Variants in TPTE2 observed in about 807,000 individuals in gnomAD.
The protein encoded by TPTE2 is transmembrane phosphoinositide 3-phosphatase and tensin homolog 2.
A neutral mutation model predicts 78.6 loss-of-function variants in TPTE2; 53 were observed. The observed-to-expected ratio is 0.67, with a 90% confidence interval of 0.54 to 0.85. The LOEUF is 0.85. TPTE2 is among the 40% of genes least tolerant of loss of function. The probability of loss-of-function intolerance (pLI) is 0.00; values close to 1 mark genes in which losing one functional copy is unlikely to be tolerated. For missense variants in TPTE2, 461 were observed against 623.0 expected, an observed-to-expected ratio of 0.74 and a Z score of 2.77; for synonymous variants, 175 against 206.2, an observed-to-expected ratio of 0.85 and a Z score of 1.30.
upstream of TPTE2, among the ~76,000 whole-genome samples, chr13:19,540,757 T>A (rs1871417023): frequency 6.6e-6 from 1 of 152,222 alleles, no homozygotes; most frequent in Non-Finnish European, 1.5e-5. Flanking sequence ...TATTTTTACA[T>A]GTTTGTTGCT....
chr13:19,457,012 G>A (rs1040871409), intron 10 of TPTE2, among the ~76,000 whole-genome samples: 1 of 152,098 alleles, frequency 6.6e-6, no homozygotes, highest in African/African-American at 2.4e-5. Context: ...CCCAGAAACA[G>A]ACCTATACGT....
upstream of TPTE2, among the ~76,000 whole-genome samples, chr13:19,506,217 G>T (rs536826710): frequency 1.3e-4 from 13 of 102,622 alleles, no homozygotes; most frequent in South Asian, 4.9e-3. Flanking sequence ...TGTCGCCCAG[G>T]CTGGAGTGCA....
rs35171174 is a variant in TPTE2 at position 19,442,339 on chromosome 13, CA to C, written c.974-4187del. Among the ~76,000 whole-genome samples, 271 of 140,856 alleles carry C rather than the reference CA, an allele frequency of 1.9e-3. 2 individuals are homozygous for C. The highest frequency in any genetic ancestry group is 0.019 in the Middle Eastern group (5 of 270). 92.4% of individuals were successfully genotyped at this position (140,856 alleles called of 152,430 possible). On this transcript the variant is annotated intron_variant, in intron 13 of 19. Transcript: ENST00000400230. ...GCACACTTCTACATAACTCATGGGT[CA>C]AAAAAAAAAGCACAAAGTTGGAACA...
the TPTE2 span, among the ~76,000 whole-genome samples, chr13:19,542,650 G>A: frequency 2.0e-5 from 3 of 152,134 alleles, no homozygotes; most frequent in South Asian, 2.1e-4. Context: ...GGGGGTAATG[G>A]GGGTTCATCT....
chr13:19,457,703 T>C (rs1376158209), intron 10 of TPTE2, among the ~76,000 whole-genome samples: 6 of 152,246 alleles, frequency 3.9e-5, no homozygotes, highest in African/African-American at 1.4e-4. Flanking sequence ...GATGTAATCT[T>C]GTTCCTTTTT....
chr13:19,486,142 A>G lies in TPTE2; in HGVS notation c.120-3595T>C, dbSNP rs1310102617. On this transcript the variant is annotated intron_variant, in intron 3 of 19. Coordinates refer to ENST00000400230, the Ensembl canonical transcript of TPTE2. This position sits in a 1 kb window ranked among gnomAD's most constrained non-coding sequence, Gnocchi z 4.3. ...TCTGGTGAAAAAGTCACCTTTTCCA[A>G]TTTTATGGAGTAGGTTTACTTGTAT... Among the ~76,000 whole-genome samples the G allele has an allele frequency of 6.6e-6, 1 of 151,762 alleles. No individual in the cohort carries two copies. Among genetic ancestry groups the G allele is most frequent in the African/African-American group, 2.4e-5 (1 of 41,316 alleles).
At chr13:19,558,283 C>T in the TPTE2 span, among the ~76,000 whole-genome samples, 201 of 152,224 alleles carry the variant, frequency 1.3e-3, 5 homozygotes, top group East Asian at 0.033. Flanking sequence ...TACCCTAATG[C>T]CCCCAGAATG....
intron 13 of TPTE2, among the ~76,000 whole-genome samples, chr13:19,442,604 C>A (rs1446527657): frequency 2.7e-5 from 4 of 150,342 alleles, no homozygotes; most frequent in Non-Finnish European, 4.4e-5. Flanking sequence ...AAATAGAGAC[C>A]ACCAATAAGG....
chr13:19,434,505 T>G (rs1876916549), intron 15 of TPTE2, among the ~76,000 whole-genome samples: 1 of 152,218 alleles, frequency 6.6e-6, no homozygotes, highest in Non-Finnish European at 1.5e-5. Flanking sequence ...GTATGGATTT[T>G]GAGCATGGAA....
At chr13:19,459,094 C>A (rs1204209766) in intron 10 of TPTE2, among the ~76,000 whole-genome samples, 5 of 151,986 alleles carry the variant, frequency 3.3e-5, no homozygotes, top group African/African-American at 1.2e-4. Context: ...TATTTTTTGG[C>A]TTTTTAATAA....
intron 1 of TPTE2, among the ~76,000 whole-genome samples, chr13:19,532,156 T>C (rs1019243632): frequency 1.3e-5 from 2 of 152,200 alleles, no homozygotes; most frequent in Non-Finnish European, 2.9e-5. Flanking sequence ...CAGCCACTCA[T>C]AGACAGGTCT....
At chr13:19,471,533 C>T (rs1274781912) in intron 6 of TPTE2, among the ~76,000 whole-genome samples, 1 of 152,018 alleles carries the variant, frequency 6.6e-6, no homozygotes, top group Non-Finnish European at 1.5e-5. Flanking sequence ...CATAAACAAA[C>T]AAGTAAAAAG....
rs763131313 is a variant in TPTE2, at chr13:19,430,499, A to C, written c.1271T>G (p.Val424Gly). ...ATTTCCTAATGAAGTACTGGAAAAG[A>C]CAACCTTTTTCTCCATTACTACTTG... The change falls in exon 17 of 20, where the codon GTC (valine) becomes GGC (glycine). Residue 424 changes from valine (V) to glycine (G), a missense_variant. Coordinates refer to ENST00000400230, the Ensembl canonical transcript of TPTE2. 1.6e-5 allele frequency: 25 copies of C among 1,610,982 alleles called. No individual in the cohort carries two copies. Among genetic ancestry groups the C allele is most frequent in the Non-Finnish European group, 2.0e-5 (24 of 1,179,158 alleles).
At chr13:19,462,381 T>G (rs898332015) in intron 10 of TPTE2, among the ~76,000 whole-genome samples, 1 of 152,060 alleles carries the variant, frequency 6.6e-6, no homozygotes, top group East Asian at 1.9e-4. Context: ...GTATTCTTGG[T>G]TGACAGTTTT....
At position 19,473,432 on chromosome 13, in the gene TPTE2, C is replaced by T. The variant is rs564367470; in HGVS notation, c.392+482G>A. Among the ~76,000 whole-genome samples, 14 of 152,158 alleles carry T rather than the reference C, an allele frequency of 9.2e-5. 1 individual carries two copies. Among genetic ancestry groups the T allele is most frequent in the Middle Eastern group, 6.8e-3 (2 of 294 alleles). ...TCACTCAAACCACAAGATGCAGTCC[C>T]TCCCACTCTTTCCACCCCTGTCCAA... On this transcript the variant is annotated intron_variant, in intron 6 of 19. Transcript: ENST00000400230.
At position 19,470,990 on chromosome 13, in the gene TPTE2, AC is replaced by A. The variant is rs372209917; in HGVS notation, c.392+2923del. Among the ~76,000 whole-genome samples, 164 of 150,664 alleles carry A rather than the reference AC, an allele frequency of 1.1e-3. 1 individual carries two copies. In the East Asian group the frequency reaches 0.016, roughly 15 times the overall value. On this transcript the variant is annotated intron_variant, in intron 6 of 19. Transcript: ENST00000400230. ...AGTGGCACCATCTCAGCTCACTGCA[AC>A]CTCTGCCTCCCGGGTTCAAGTGATT...
chr13:19,465,894 G>T (rs1483995975), intron 7 of TPTE2, among the ~76,000 whole-genome samples: 4 of 152,138 alleles, frequency 2.6e-5, no homozygotes, highest in African/African-American at 9.7e-5. Context: ...AGAAATTCTG[G>T]TCTAGAGAAA....
At chr13:19,529,907 T>G (rs1870759591) in intron 1 of TPTE2, among the ~76,000 whole-genome samples, 1 of 152,158 alleles carries the variant, frequency 6.6e-6, no homozygotes, top group Non-Finnish European at 1.5e-5. Context: ...TTTTGCCCCC[T>G]CAATCAGCTC....
intron 1 of TPTE2, among the ~76,000 whole-genome samples, chr13:19,529,145 A>T (rs948843266): frequency 5.3e-5 from 8 of 152,166 alleles, no homozygotes; most frequent in South Asian, 4.1e-4. Context: ...TTAATTAATT[A>T]ATGAAAACTT....
Sources: gnomAD v4.1 joint callset for allele counts (sites outside exome capture counted in the v4.1 genomes callset) on GRCh38, gnomAD v4.1.1 for gene constraint, Gnocchi (gnomAD v3.1) non-coding constraint, MANE v1.5 for transcripts, NCBI Gene and HGNC (gene_info 2026-07-23, HGNC 2026-07-21) for gene names.